Variants in TCTN2 observed in about 807,000 individuals in gnomAD.
TCTN2 encodes the protein tectonic-2.
In TCTN2, 66 loss-of-function variants were observed where a neutral mutation model predicts 83.4. The ratio of observed to expected loss-of-function variants is 0.79; its 90% CI spans 0.65 to 0.97. TCTN2 has a LOEUF of 0.97. Among genes scored for constraint, TCTN2 ranks in the 50% least tolerant of loss-of-function variants. The pLI, the probability that TCTN2 is intolerant of heterozygous loss-of-function variation, is 0.00. For missense variants in TCTN2, 794 were observed against 858.1 expected (o/e 0.93, Z 0.93); for synonymous variants, 301 against 326.7 (o/e 0.92, Z 0.85).
At position 123,707,084 on chromosome 12, in the gene TCTN2, A is replaced by G; in HGVS notation, c.1984+11A>G. On this transcript the variant is annotated intron_variant, in intron 17 of 17. Transcript: ENST00000303372. ...CTCAGTATTATCAAGGTAGGGTGAA[A>G]CAGATTTCTATGACCAATTATGTTA... 2 of 1,611,170 alleles carry G rather than the reference A, an allele frequency of 1.2e-6. No homozygotes were observed. Among genetic ancestry groups the G allele is most frequent in the Non-Finnish European group, 1.7e-6 (2 of 1,178,546 alleles).
chr12:123,673,488 T>C, intron 3 of TCTN2, 127 bp from the exon 4 acceptor site: 2 of 888,666 alleles, frequency 2.3e-6, no homozygotes, highest in Non-Finnish European at 3.7e-6. Flanking sequence ...CTGTGTCATC[T>C]CTGTATACAT....
At chr12:123,681,839 A>T (rs879079152) in intron 5 of TCTN2, among the ~76,000 whole-genome samples, 1 of 152,116 alleles carries the variant, frequency 6.6e-6, no homozygotes, top group Non-Finnish European at 1.5e-5. Context: ...CATCATTTTA[A>T]ATTCCCATCA....
At chr12:123,680,229 G>A (rs1372337438) in intron 5 of TCTN2, among the ~76,000 whole-genome samples, 2 of 151,124 alleles carry the variant, frequency 1.3e-5, no homozygotes, top group African/African-American at 4.9e-5. Flanking sequence ...GTGGGCGCCT[G>A]TAATCCCAGC....
intron 3 of TCTN2, 37 bp downstream of exon 3, chr12:123,672,169 AG>A (rs1955762367): frequency 6.4e-7 from 1 of 1,566,848 alleles, no homozygotes; most frequent in Admixed American, 1.7e-5. Context: ...TAGCCTGTGA[AG>A]AGGCCCCCAG....
chr12:123,684,669 G>A (rs981223187), intron 5 of TCTN2, among the ~76,000 whole-genome samples: 4 of 151,822 alleles, frequency 2.6e-5, no homozygotes, highest in African/African-American at 9.7e-5. Flanking sequence ...CAAAGTGCTG[G>A]GATTATAGGC....
In TCTN2 at chr12:123,687,971, AAG is replaced by A. The variant is rs1466640686; in HGVS notation, c.765-77_765-76del. 56 of 1,580,022 alleles carry A rather than the reference AAG, an allele frequency of 3.5e-5. No individual in the cohort carries two copies. In the East Asian group the frequency reaches 8.5e-4, roughly 24 times the overall value. ...AGAGTGAGACTCCATCTCAGAAAAC[AAG>A]AGTAAAGAACAACATTAAGGAAGAA... On this transcript the variant is annotated intron_variant, in intron 6 of 17. Coordinates refer to ENST00000303372, the MANE Select transcript of TCTN2 (RefSeq NM_024809.5).
At chr12:123,677,708 C>G (rs1466820654) in intron 4 of TCTN2, among the ~76,000 whole-genome samples, 1 of 152,184 alleles carries the variant, frequency 6.6e-6, no homozygotes, top group Non-Finnish European at 1.5e-5. Flanking sequence ...CACCTTCTCC[C>G]CTGCACCACA....
rs368146331 is a variant in TCTN2, at chr12:123,687,023, A to G, written c.752A>G (p.Tyr251Cys). ...LANTPFLGYF[Y>C]HGAVSPKQDS... Reference sequence around the variant, plus strand: ...AACACACCCTTCCTTGGTTACTTCTATCATGGTGCTGTGTAAGTGTCTGAG... The same window carrying G: ...AACACACCCTTCCTTGGTTACTTCTGTCATGGTGCTGTGTAAGTGTCTGAG... Residue 251 changes from tyrosine to cysteine, a missense_variant, in exon 6 of 18, where the codon TAT (tyrosine) becomes TGT (cysteine). Tyr to Cys is a radical substitution (Grantham distance 194). Transcript: ENST00000303372. 1.2e-5 allele frequency: 19 copies of G among 1,613,974 alleles called. No individual in the cohort carries two copies. The highest frequency in any genetic ancestry group is 1.7e-5 in the Admixed American group (1 of 59,978).
At chr12:123,703,884 T>G (rs961606811) in intron 14 of TCTN2, among the ~76,000 whole-genome samples, 1 of 152,196 alleles carries the variant, frequency 6.6e-6, no homozygotes, top group African/African-American at 2.4e-5. Context: ...CAATTATATA[T>G]GTTTCTGTTA....
chr12:123,674,303 A>T (rs1955793617), intron 4 of TCTN2, among the ~76,000 whole-genome samples: 1 of 151,926 alleles, frequency 6.6e-6, no homozygotes, highest in Non-Finnish European at 1.5e-5. Flanking sequence ...ATGGAGTCTA[A>T]GTCTGTCACC....
At chr12:123,684,587 G>A (rs959081506) in intron 5 of TCTN2, among the ~76,000 whole-genome samples, 1 of 151,692 alleles carries the variant, frequency 6.6e-6, no homozygotes, top group Non-Finnish European at 1.5e-5. Flanking sequence ...TTTCAGTAGA[G>A]ACGAGTTTTG....
intron 16 of TCTN2, 61 bp from the exon 17 acceptor site, chr12:123,706,924 T>G (rs1266825190): frequency 6.2e-7 from 1 of 1,613,536 alleles, no homozygotes; most frequent in East Asian, 2.2e-5. Context: ...AGTTTATTCC[T>G]TTAATCAAGT....
At chr12:123,700,102 C>A in intron 14 of TCTN2, 1 of 476,960 alleles carries the variant, frequency 2.1e-6, no homozygotes, top group Non-Finnish European at 3.8e-6. Context: ...TCCTCATCCT[C>A]CCAGGCTCAA....
At chr12:123,702,352 G>A (rs1041700615) in intron 14 of TCTN2, among the ~76,000 whole-genome samples, 1 of 152,164 alleles carries the variant, frequency 6.6e-6, no homozygotes, top group African/African-American at 2.4e-5. Context: ...GCTAGGCTCA[G>A]TAGGCTGGAA....
chr12:123,697,691 G>A (rs1956126439), intron 13 of TCTN2, among the ~76,000 whole-genome samples: 1 of 151,698 alleles, frequency 6.6e-6, no homozygotes, highest in Admixed American at 6.6e-5. Flanking sequence ...TAGTAGAGAT[G>A]GGGTTTCACA....
chr12:123,677,245 C>T (rs563346179), intron 4 of TCTN2, among the ~76,000 whole-genome samples: 54 of 152,292 alleles, frequency 3.5e-4, no homozygotes, highest in Admixed American at 7.9e-4. Flanking sequence ...GGGTCAGACC[C>T]TTACCCGTGT....
intron 3 of TCTN2, 149 bp downstream of exon 3, chr12:123,672,281 T>C (rs973334362): frequency 6.4e-6 from 5 of 779,606 alleles, no homozygotes; most frequent in South Asian, 1.4e-5. Flanking sequence ...TAGACACTTA[T>C]CCAGCCCACG....
At chr12:123,684,905 C>T (rs981149583) in intron 5 of TCTN2, among the ~76,000 whole-genome samples, 5 of 151,668 alleles carry the variant, frequency 3.3e-5, no homozygotes, top group African/African-American at 7.3e-5. Context: ...TAAAAATTAG[C>T]GGGGTATGTT....
chr12:123,671,584 G>A lies in TCTN2; in HGVS notation c.160G>A (p.Val54Met), dbSNP rs769865285. The change falls in exon 2 of 18, where the codon GTG becomes ATG. Residue 54 changes from valine (V) to methionine (M), a missense_variant. Physicochemically the swap from Val to Met is conservative, Grantham distance 21 (BLOSUM62 1). Transcript: ENST00000303372. ...SLVGDTEGVT[V>M]SLAVLQDEAG... ...GGTCGGAGACACCGAGGGTGTGACC[G>A]TGTCCCTGGCAGTGCTGCAGGACGA... 27 of 1,613,474 alleles carry A rather than the reference G, an allele frequency of 1.7e-5. No individual in the cohort carries two copies. Among genetic ancestry groups the A allele is most frequent in the East Asian group, 2.2e-5 (1 of 44,884 alleles).
Sources: allele counts gnomAD v4.1 joint callset (sites outside exome capture counted in the v4.1 genomes callset), GRCh38; gene constraint gnomAD v4.1.1; transcripts MANE v1.5; gene names NCBI Gene and HGNC (gene_info 2026-07-23, HGNC 2026-07-21).